ITPR3: variants seen among roughly 807,000 people sequenced by gnomAD.
ITPR3 encodes inositol 1,4,5-trisphosphate-gated calcium channel ITPR3.
A neutral mutation model predicts 293.2 loss-of-function variants in ITPR3; 173 were observed. That is an observed-to-expected ratio of 0.59 (90% confidence interval 0.52 to 0.67). The LOEUF (loss-of-function observed/expected upper bound fraction) is 0.67. ITPR3 is among the 30% of genes least tolerant of loss of function. The pLI, the probability that ITPR3 is intolerant of heterozygous loss-of-function variation, is 0.00. For missense variants in ITPR3, 2,796 were observed against 3,592.1 expected (o/e 0.78, Z 5.66); for synonymous variants, 1,295 against 1,444.4 (o/e 0.90, Z 2.35).
chr6:33,677,435 G>A, intron 27 of ITPR3, 69 bp from the exon 28 acceptor site: 23 of 1,588,876 alleles, frequency 1.4e-5, no homozygotes, highest in Non-Finnish European at 1.9e-5. Flanking sequence ...GAACTTGGCT[G>A]TGGTGGGCTG....
At chr6:33,669,178 C>T in intron 18 of ITPR3, 22 bp downstream of exon 18, 4 of 1,606,286 alleles carry the variant, frequency 2.5e-6, no homozygotes, top group Non-Finnish European at 3.4e-6. Context: ...CAGCTCCTCC[C>T]CTCCCTCTTC....
In ITPR3 at chr6:33,688,271, C is replaced by G. The variant is rs1258549031; in HGVS notation, c.6408C>G (p.Ile2136Met). The change falls in exon 48 of 58, where the codon ATC becomes ATG. Residue 2136 changes from isoleucine to methionine, a missense_variant. By Grantham distance (10) the Ile-to-Met change is conservative. Coordinates refer to ENST00000605930, the MANE Select transcript of ITPR3 (RefSeq NM_002224.4). ...IVRQDRSMEQ[I>M]VFPVPGICQF... ...GGCAGGACCGCAGCATGGAGCAGAT[C>G]GTGTTCCCAGTGCCCGGCATCTGCC... The G allele has an allele frequency of 6.2e-7, 1 of 1,614,198 alleles. No individual in the cohort carries two copies. The highest frequency in any genetic ancestry group is 1.7e-5 in the Admixed American group (1 of 60,028).
At chr6:33,635,092 C>T (rs1445566484) in intron 1 of ITPR3, among the ~76,000 whole-genome samples, 2 of 152,212 alleles carry the variant, frequency 1.3e-5, no homozygotes, top group African/African-American at 4.8e-5. Context: ...TGTGTCCCCT[C>T]CCTTCAGGGC....
In ITPR3 at chr6:33,659,394, C is replaced by A. The variant is rs1052505826; in HGVS notation, c.628-72C>A. The A allele has an allele frequency of 2.4e-5, 32 of 1,361,234 alleles. No homozygotes were observed. In the South Asian group the frequency reaches 3.5e-4, roughly 15 times the overall value. The allele number at this position is 1,361,234 out of a possible 1,614,324, so 84.3% of individuals were successfully genotyped here. A position where few individuals can be genotyped will look rare whatever the true frequency, so the allele number is the denominator to read the frequency against. On this transcript the variant is annotated intron_variant, in intron 6 of 57. Coordinates refer to ENST00000605930, the MANE Select transcript of ITPR3 (RefSeq NM_002224.4). ...GTAATGGTGGCTGGGCTGCTTCTTC[C>A]CTTCAGCCCTGCTCTGGGCCCTCAG...
At position 33,691,617 on chromosome 6, in the gene ITPR3, A is replaced by C. The variant is rs1765392200; in HGVS notation, c.7228A>C (p.Ser2410Arg). 6.2e-7 allele frequency: 1 copy of C among 1,613,864 alleles called. No homozygotes were observed. Residue 2410 changes from serine (S) to arginine (R), a missense_variant and splice_region_variant, in exon 53 of 58, where the codon AGC (serine) becomes CGC (arginine). Physicochemically the swap from Ser to Arg is moderately radical, Grantham distance 110. Coordinates refer to ENST00000605930, the MANE Select transcript of ITPR3 (RefSeq NM_002224.4). The surrounding 1 kb of genome is among the most constrained non-coding windows in gnomAD (Gnocchi z 4.9). The stretch of plus-strand genomic sequence containing the variant: ...GATCTCATCCATATCCCCTCCAGCC[A>C]GCCCCCTGGGGATGCCACATGGAGC... ...DRLPNNHSTASPLGMPHGAAA... is the reference protein window; with the variant it reads ...DRLPNNHSTARPLGMPHGAAA...
chr6:33,686,353 A>G, intron 42 of ITPR3, 56 bp from the exon 43 acceptor site: 1 of 1,590,708 alleles, frequency 6.3e-7, no homozygotes, highest in Non-Finnish European at 8.6e-7. Flanking sequence ...AGGTCTCTGG[A>G]GCTGCCACTA....
chr6:33,658,716 T>G lies in ITPR3; in HGVS notation c.416T>G (p.Leu139Arg). ...SNKYLTVNKR[L>R]PALLEKNAMR... ...AAGTACCTGACAGTGAACAAGCGGC[T>G]TCCGGCCTTGCTGGAGAAGAACGCC... The change falls in exon 5 of 58, where the codon CTT becomes CGT. Residue 139 changes from leucine (L) to arginine (R), a missense_variant. Leu to Arg is a moderately radical substitution (Grantham distance 102). This residue lies in a region of ITPR3 where 144 missense variants were observed against 230.8 expected (regional missense o/e 0.62). Transcript: ENST00000605930. This position sits in a 1 kb window ranked among gnomAD's most constrained non-coding sequence, Gnocchi z 6.1. The G allele has an allele frequency of 6.2e-7, 1 of 1,614,182 alleles. No homozygotes were observed. The highest frequency in any genetic ancestry group is 8.5e-7 in the Non-Finnish European group (1 of 1,180,036).
At chr6:33,647,273 G>A (rs1021817816) in intron 2 of ITPR3, among the ~76,000 whole-genome samples, 3 of 152,120 alleles carry the variant, frequency 2.0e-5, no homozygotes, top group African/African-American at 7.2e-5. Flanking sequence ...CAATCTGCCC[G>A]CTTCAACCTC....
intron 7 of ITPR3, among the ~76,000 whole-genome samples, chr6:33,661,713 G>A (rs1764472966): frequency 6.6e-6 from 1 of 152,138 alleles, no homozygotes; most frequent in Non-Finnish European, 1.5e-5. Flanking sequence ...CAGAGACAGA[G>A]GCCGGGCACA....
chr6:33,680,699 A>T lies in ITPR3; in HGVS notation c.4476+19A>T. On this transcript the variant is annotated intron_variant, in intron 33 of 57. Coordinates refer to ENST00000605930, the MANE Select transcript of ITPR3 (RefSeq NM_002224.4). ...CCTGCAGGTGAGCTTCTCCTCTCCC[A>T]CCACCCCAGGGCCGACTTGCCTAGC... 1 of 1,605,390 alleles carries T rather than the reference A, an allele frequency of 6.2e-7. No individual in the cohort carries two copies. The highest frequency in any genetic ancestry group is 8.5e-7 in the Non-Finnish European group (1 of 1,173,106).
chr6:33,653,913 A>T (rs1249224016), intron 2 of ITPR3, among the ~76,000 whole-genome samples: 4 of 152,062 alleles, frequency 2.6e-5, no homozygotes, highest in Non-Finnish European at 5.9e-5. Context: ...GGGAGTGCCA[A>T]CCCAGCCTGA....
At chr6:33,637,400 C>T (rs1045157119) in intron 1 of ITPR3, among the ~76,000 whole-genome samples, 1 of 152,216 alleles carries the variant, frequency 6.6e-6, no homozygotes, top group African/African-American at 2.4e-5. Context: ...AGGCCCTCTC[C>T]AGGGGTGACC....
Position 33,666,845 on chromosome 6 carries a change from G to C in ITPR3, c.1552-284G>C, listed in dbSNP as rs1317936760. On this transcript the variant is annotated intron_variant, in intron 14 of 57. Transcript: ENST00000605930. The surrounding 1 kb of genome is among the most constrained non-coding windows in gnomAD (Gnocchi z 5.1). ...TCTTAGCCTTAGACCCTGAGCTGCC[G>C]AGACCCTCTGCTCCTCCCCCAGGCC... 6.6e-6 allele frequency among the ~76,000 whole-genome samples: 1 copy of C among 152,174 alleles called. No homozygotes were observed. Among genetic ancestry groups the C allele is most frequent in the Non-Finnish European group, 1.5e-5 (1 of 68,030 alleles).
intron 25 of ITPR3, 107 bp from the exon 26 acceptor site, chr6:33,676,658 AGGT>A: frequency 3.2e-6 from 4 of 1,260,548 alleles, no homozygotes; most frequent in Non-Finnish European, 4.5e-6. Flanking sequence ...GGAGAGGGAC[AGGT>A]GGTGGTCTAC....
chr6:33,689,237 G>C lies in ITPR3; in HGVS notation c.6695-1G>C. On this transcript the variant is annotated splice_acceptor_variant, in intron 49 of 57. Coordinates refer to ENST00000605930, the MANE Select transcript of ITPR3 (RefSeq NM_002224.4). LOFTEE classifies it high-confidence loss of function. ...CTGCTCACCCTGCCCCTGGCCCCCA[G>C]GCGTGCTGGACTCCCCTCTCATCTC... 1 of 1,608,640 alleles carries C rather than the reference G, an allele frequency of 6.2e-7. No individual in the cohort carries two copies. Among genetic ancestry groups the C allele is most frequent in the Non-Finnish European group, 8.5e-7 (1 of 1,179,902 alleles).
intron 2 of ITPR3, among the ~76,000 whole-genome samples, chr6:33,646,136 G>A (rs553617298): frequency 1.1e-4 from 17 of 152,058 alleles, no homozygotes; most frequent in African/African-American, 4.1e-4. Context: ...ACACCTGGCC[G>A]AAAATGTACT....
At chr6:33,657,383 A>T (rs1013784864) in intron 3 of ITPR3, among the ~76,000 whole-genome samples, 13 of 152,190 alleles carry the variant, frequency 8.5e-5, no homozygotes, top group African/African-American at 3.1e-4. Context: ...GATCCATCAG[A>T]CTGGGATGTG....
chr6:33,662,159 C>G (rs1764488655), intron 7 of ITPR3, among the ~76,000 whole-genome samples: 1 of 151,976 alleles, frequency 6.6e-6, no homozygotes, highest in Non-Finnish European at 1.5e-5. Context: ...GCAGCCATGG[C>G]CCCGGGGACA....
At chr6:33,639,319 C>T (rs182896452) in intron 1 of ITPR3, among the ~76,000 whole-genome samples, 22 of 146,732 alleles carry the variant, frequency 1.5e-4, no homozygotes, top group Non-Finnish European at 3.0e-4. Context: ...GCAGAGGTTG[C>T]AGTGAGTCGA....
Sources: gnomAD v4.1 joint callset for allele counts (sites outside exome capture counted in the v4.1 genomes callset) on GRCh38, gnomAD v4.1.1 for gene constraint, gnomAD v4.1.1 regional missense constraint, Gnocchi (gnomAD v3.1) non-coding constraint, MANE v1.5 for transcripts, NCBI Gene and HGNC (gene_info 2026-07-23, HGNC 2026-07-21) for gene names.